Variants in USP42 observed in about 807,000 individuals in gnomAD.
USP42 encodes the protein ubiquitin specific peptidase 42.
A neutral mutation model predicts 113.0 loss-of-function variants in USP42; 23 were observed. That is an observed-to-expected ratio of 0.20 (90% CI 0.15 to 0.29). The LOEUF is 0.29. USP42 is among the 10% of genes least tolerant of loss of function. USP42 has a pLI of 1.00. For missense variants in USP42, 2,174 were observed against 1,779.8 expected (o/e 1.22, Z -3.99); for synonymous variants, 933 against 699.0 (o/e 1.33, Z -5.28).
chr7:6,111,174 C>A lies in USP42; in HGVS notation c.41C>A (p.Ser14Ter), dbSNP rs1376429183. ...AAAGCTTCTGAATCTTCAGACCCAT[C>A]AGCCTATCAGAATCAGCCTGGCAGC... ...VDKASESSDP[S>*]AYQNQPGSSE... The change falls in exon 2 of 18, where the codon TCA (serine) becomes TAA (stop). Residue 14 changes from serine (S) to a stop codon, truncating the protein, a stop_gained. Coordinates refer to ENST00000306177, the MANE Select transcript of USP42 (RefSeq NM_032172.3). LOFTEE classifies it high-confidence loss of function. 2 of 1,613,166 alleles carry A rather than the reference C, an allele frequency of 1.2e-6. No homozygotes were observed. Among genetic ancestry groups the A allele is most frequent in the Non-Finnish European group, 1.7e-6 (2 of 1,179,436 alleles).
intron 3 of USP42, among the ~76,000 whole-genome samples, chr7:6,123,983 C>T (rs976238857): frequency 2.6e-5 from 4 of 152,048 alleles, no homozygotes; most frequent in African/African-American, 9.7e-5. Flanking sequence ...TCAACTCTGC[C>T]TCCTGCCTCG....
chr7:6,086,017 C>T, the USP42 span, among the ~76,000 whole-genome samples: 1 of 150,740 alleles, frequency 6.6e-6, no homozygotes, highest in African/African-American at 2.5e-5. Flanking sequence ...AGAAACCACC[C>T]TGGTGATAAC....
At position 6,155,214 on chromosome 7, in the gene USP42, G is replaced by T; in HGVS notation, c.3641+19G>T. The T allele has an allele frequency of 6.6e-7, 1 of 1,506,812 alleles. No individual in the cohort carries two copies. The highest frequency in any genetic ancestry group is 8.8e-7 in the Non-Finnish European group (1 of 1,135,540). The allele number at this position is 1,506,812 out of a possible 1,614,324, so 93.3% of individuals were successfully genotyped here. On this transcript the variant is annotated intron_variant, in intron 15 of 17. Transcript: ENST00000306177. Reference sequence around the variant, plus strand: ...ACTCCAGGTGAGCCTGGGGCCTTGTGCTCCCCGAGGCGCTGGCGCTGCTGT... The same window carrying T: ...ACTCCAGGTGAGCCTGGGGCCTTGTTCTCCCCGAGGCGCTGGCGCTGCTGT...
intron 3 of USP42, among the ~76,000 whole-genome samples, chr7:6,132,254 T>C (rs1345817038): frequency 6.6e-6 from 1 of 152,220 alleles, no homozygotes; most frequent in Non-Finnish European, 1.5e-5. Flanking sequence ...TTGAAAGATA[T>C]TATTCCACTG....
Position 6,154,412 on chromosome 7 carries a change from A to C in USP42, c.2858A>C (p.Tyr953Ser). Residue 953 changes from tyrosine (Y) to serine (S), a missense_variant, in exon 15 of 18, where the codon TAC becomes TCC. By Grantham distance (144) the Tyr-to-Ser change is moderately radical. Transcript: ENST00000306177. ...CTCAGAAAGGTGGACCGAGGCCACT[A>C]CCGCAGCCGGAGAGAGCGCTCGTCC... The part of the protein sequence containing the change: ...GSLRKVDRGH[Y>S]RSRRERSSSG... The C allele has an allele frequency of 6.3e-7, 1 of 1,576,116 alleles. No individual in the cohort carries two copies. The highest frequency in any genetic ancestry group is 8.6e-7 in the Non-Finnish European group (1 of 1,162,638).
At chr7:6,104,008 C>T (rs549285941), upstream of USP42, among the ~76,000 whole-genome samples, 10 of 151,272 alleles carry the variant, frequency 6.6e-5, no homozygotes, top group South Asian at 1.9e-3. Context: ...CGCTTGAGCC[C>T]GGGAGGTCGC....
In USP42 at chr7:6,108,796, A is replaced by T. The variant is rs543313704; in HGVS notation, c.-9-2329A>T. Reference sequence around the variant, plus strand: ...GCCCAGCCTCAATATTAAAAAAAAAATTTTTTAAGGCCATTTCTACTCCAG... The same window carrying T: ...GCCCAGCCTCAATATTAAAAAAAAATTTTTTTAAGGCCATTTCTACTCCAG... On this transcript the variant is annotated intron_variant, in intron 1 of 17. Coordinates refer to ENST00000306177, the MANE Select transcript of USP42 (RefSeq NM_032172.3). 5.7e-3 allele frequency among the ~76,000 whole-genome samples: 862 copies of T among 152,248 alleles called. 5 individuals carry two copies. The highest frequency in any genetic ancestry group is 0.02 in the South Asian group (97 of 4,830).
Position 6,158,650 on chromosome 7 carries a change from G to A in USP42, c.3944-800G>A, listed in dbSNP as rs551442303. 7.2e-5 allele frequency among the ~76,000 whole-genome samples: 11 copies of A among 152,358 alleles called. No individual in the cohort carries two copies. The highest frequency in any genetic ancestry group is 2.2e-4 in the African/African-American group (9 of 41,582). ...GATGAGGACAGGCACCAGCACTGCC[G>A]GTGAGGACGGGTTGCCTGCGGGCCT... On this transcript the variant is annotated intron_variant, in intron 16 of 17. Transcript: ENST00000306177. The surrounding 1 kb of genome is among the most constrained non-coding windows in gnomAD (Gnocchi z 4.2).
At chr7:6,100,534 T>C (rs912926821), upstream of USP42, among the ~76,000 whole-genome samples, 2 of 150,706 alleles carry the variant, frequency 1.3e-5, no homozygotes, top group African/African-American at 5.0e-5. Context: ...TTCACCATGT[T>C]GGCCAGGCTT....
At chr7:6,133,974 T>A (rs1473349542) in intron 3 of USP42, among the ~76,000 whole-genome samples, 1 of 150,794 alleles carries the variant, frequency 6.6e-6, no homozygotes, top group African/African-American at 2.4e-5. Context: ...CACTGCAAGC[T>A]CTGCTTCCTG....
At chr7:6,107,216 T>C (rs1477135486) in intron 1 of USP42, among the ~76,000 whole-genome samples, 1 of 152,168 alleles carries the variant, frequency 6.6e-6, no homozygotes, top group Non-Finnish European at 1.5e-5. Flanking sequence ...CTTAAGAGGC[T>C]TTTGTCCCTT....
chr7:6,159,586 G>T lies in USP42; in HGVS notation c.*36+93G>T, dbSNP rs1372741104. Reference sequence around the variant, plus strand: ...TTTAATTCTGCGGCTCTGCCTGGGGGCTGGGCTCATAGGAGTTGGCAGAGC... The same window carrying T: ...TTTAATTCTGCGGCTCTGCCTGGGGTCTGGGCTCATAGGAGTTGGCAGAGC... On this transcript the variant is annotated intron_variant, in intron 17 of 17. Coordinates refer to ENST00000306177, the MANE Select transcript of USP42 (RefSeq NM_032172.3). The surrounding 1 kb of genome is among the most constrained non-coding windows in gnomAD (Gnocchi z 4.1). 2.3e-5 allele frequency: 31 copies of T among 1,346,102 alleles called. No homozygotes were observed. The highest frequency in any genetic ancestry group is 2.4e-5 in the Non-Finnish European group (23 of 960,016). The allele number at this position is 1,346,102 out of a possible 1,614,324, so 83.4% of individuals were successfully genotyped here.
chr7:6,138,042 T>C (rs1375932692), intron 4 of USP42, among the ~76,000 whole-genome samples: 1 of 152,224 alleles, frequency 6.6e-6, no homozygotes, highest in East Asian at 1.9e-4. Flanking sequence ...AACCTAGTCT[T>C]TTAAGAAAAT....
chr7:6,146,269 T>C, intron 11 of USP42, 21 bp downstream of exon 11: 3 of 1,471,976 alleles, frequency 2.0e-6, no homozygotes, highest in African/African-American at 1.4e-5. Flanking sequence ...GAAAACAAAT[T>C]GCCAGATTTT....
intron 2 of USP42, among the ~76,000 whole-genome samples, chr7:6,112,529 C>T (rs534360676): frequency 6.6e-6 from 1 of 152,048 alleles, no homozygotes; most frequent in Non-Finnish European, 1.5e-5. Flanking sequence ...TGGTTACATT[C>T]GTTAAAACTC....
chr7:6,112,972 C>T (rs1225352605), intron 2 of USP42, among the ~76,000 whole-genome samples: 3 of 144,494 alleles, frequency 2.1e-5, no homozygotes, highest in Non-Finnish European at 4.5e-5. Context: ...GGCGCGATCT[C>T]GGCTCACTGC....
In USP42 at chr7:6,139,056, T is replaced by G; in HGVS notation, c.554-36T>G. ...GGGTACAACTTAGGCTTATTACGTG[T>G]AATGATAAAGCCTTGTCTTTACCGA... On this transcript the variant is annotated intron_variant, in intron 4 of 17. Coordinates refer to ENST00000306177, the MANE Select transcript of USP42 (RefSeq NM_032172.3). The surrounding 1 kb of genome is among the most constrained non-coding windows in gnomAD (Gnocchi z 4.5). 1 of 1,429,392 alleles carries G rather than the reference T, an allele frequency of 7.0e-7. No individual in the cohort carries two copies. Among genetic ancestry groups the G allele is most frequent in the African/African-American group, 1.4e-5 (1 of 70,808 alleles). 88.5% of individuals were successfully genotyped at this position (1,429,392 alleles called of 1,614,324 possible).
chr7:6,161,332 T>TATCA lies in USP42; in HGVS notation c.*816_*819dup, dbSNP rs1003219326. The TATCA allele has an allele frequency of 1.3e-5, 2 of 152,648 alleles. No homozygotes were observed. Among genetic ancestry groups the TATCA allele is most frequent in the African/African-American group, 4.8e-5 (2 of 41,446 alleles). 9.5% of individuals were successfully genotyped at this position (152,648 alleles called of 1,614,324 possible). A position where few individuals can be genotyped will look rare whatever the true frequency, so the allele number is the denominator to read the frequency against. Reference sequence around the variant, plus strand: ...GATTTTATTTTTAATATGGATATGCTATCAAACTGTGATACACTTATAATT... The same window carrying TATCA: ...GATTTTATTTTTAATATGGATATGCTATCAATCAAACTGTGATACACTTATAATT... On this transcript the variant is annotated 3_prime_UTR_variant, in exon 18 of 18. Transcript: ENST00000306177.
At chr7:6,128,512 C>T (rs1419689755) in intron 3 of USP42, among the ~76,000 whole-genome samples, 1 of 152,138 alleles carries the variant, frequency 6.6e-6, no homozygotes, top group Non-Finnish European at 1.5e-5. Flanking sequence ...TGTGTCATTA[C>T]ATTTGAAGTG....
Sources: allele counts gnomAD v4.1 joint callset (sites outside exome capture counted in the v4.1 genomes callset), GRCh38; gene constraint gnomAD v4.1.1; non-coding constraint Gnocchi (gnomAD v3.1); transcripts MANE v1.5; gene names NCBI Gene and HGNC (gene_info 2026-07-23, HGNC 2026-07-21).